The following GALNT13 variants were observed in gnomAD, a reference collection of about 807,000 sequenced individuals.
GALNT13 encodes UDP-GalNAc:polypeptide N-acetylgalactosaminyltransferase 13.
A neutral mutation model predicts 64.2 loss-of-function variants in GALNT13; 28 were observed. That is an observed-to-expected ratio of 0.44 (90% CI 0.32 to 0.60). GALNT13 has a LOEUF of 0.60. GALNT13 is among the 20% of genes least tolerant of loss of function. The pLI is 0.05. For synonymous variants in GALNT13, 214 were observed against 224.6 expected (o/e 0.95, Z 0.42); for missense variants, 577 against 669.8 (o/e 0.86, Z 1.53).
chr2:154,235,856 GA>G (rs1689165647), intron 4 of GALNT13, among the ~76,000 whole-genome samples: 1 of 152,098 alleles, frequency 6.6e-6, no homozygotes, highest in Non-Finnish European at 1.5e-5. Context: ...ATATGGTTTT[GA>G]AAGGATAAAA....
chr2:153,681,634 A>C, the GALNT13 span, among the ~76,000 whole-genome samples: 5 of 151,784 alleles, frequency 3.3e-5, no homozygotes, highest in East Asian at 9.7e-4. Context: ...GTCTTTTGCT[A>C]TCTCTCTTTC....
At chr2:154,366,907 TTAAGGTGA>T (rs1346564114) in intron 9 of GALNT13, among the ~76,000 whole-genome samples, 1 of 152,132 alleles carries the variant, frequency 6.6e-6, no homozygotes, top group Non-Finnish European at 1.5e-5. Context: ...TGTCAAACAT[TTAAGGTGA>T]GCATATAGGG....
At chr2:153,503,083 T>C in the GALNT13 span, among the ~76,000 whole-genome samples, 1 of 152,224 alleles carries the variant, frequency 6.6e-6, no homozygotes, top group Admixed American at 6.5e-5. Context: ...TTTAGTTTAA[T>C]TAACTCTCAT....
the GALNT13 span, among the ~76,000 whole-genome samples, chr2:153,473,990 G>A: frequency 1.3e-5 from 2 of 152,150 alleles, no homozygotes; most frequent in African/African-American, 2.4e-5. Flanking sequence ...GAAATTTAAG[G>A]TGCTGGTGAG....
At chr2:154,118,043 A>T (rs1042213729) in intron 3 of GALNT13, among the ~76,000 whole-genome samples, 2 of 152,090 alleles carry the variant, frequency 1.3e-5, no homozygotes, top group African/African-American at 4.8e-5. Flanking sequence ...TTTGTCTACA[A>T]TGTTTTTTGA....
the GALNT13 span, among the ~76,000 whole-genome samples, chr2:153,280,060 T>C: frequency 6.6e-6 from 1 of 152,172 alleles, no homozygotes; most frequent in Non-Finnish European, 1.5e-5. Context: ...AGTTGGTGTA[T>C]ATAGGATTTG....
In GALNT13 at chr2:154,248,771, C is replaced by T. The variant is rs560409657; in HGVS notation, c.857+2789C>T. ...AAATGGCATGAAAACTTTTCCCAAT[C>T]TCCACAACTCCTTCTAAATTATGTT... On this transcript the variant is annotated intron_variant, in intron 7 of 12. Coordinates refer to ENST00000392825, the MANE Select transcript of GALNT13 (RefSeq NM_052917.4). Among the ~76,000 whole-genome samples, 10 of 152,264 alleles carry T rather than the reference C, an allele frequency of 6.6e-5. No individual in the cohort carries two copies. In the South Asian group the frequency reaches 2.1e-3, roughly 32 times the overall value.
At chr2:153,336,975 T>G in the GALNT13 span, among the ~76,000 whole-genome samples, 1 of 152,284 alleles carries the variant, frequency 6.6e-6, no homozygotes. Flanking sequence ...CACTTTTGTT[T>G]CTTTCTCATT....
chr2:153,543,914 A>C, the GALNT13 span, among the ~76,000 whole-genome samples: 4 of 152,178 alleles, frequency 2.6e-5, no homozygotes, highest in African/African-American at 9.7e-5. Context: ...CGTTCATTAG[A>C]AGTGTAATGA....
upstream of GALNT13, among the ~76,000 whole-genome samples, chr2:153,871,213 T>C (rs1015168352): frequency 1.3e-5 from 2 of 152,174 alleles, no homozygotes; most frequent in Non-Finnish European, 2.9e-5. Flanking sequence ...CCTACTTGCC[T>C]GAGAAAGGAA....
chr2:154,455,128 ATAAC>A (rs1702014877), downstream of GALNT13, among the ~76,000 whole-genome samples: 1 of 152,200 alleles, frequency 6.6e-6, no homozygotes, highest in Non-Finnish European at 1.5e-5. Context: ...AGAGAGAAAA[ATAAC>A]TACACTAAAA....
At chr2:153,264,589 A>G in the GALNT13 span, among the ~76,000 whole-genome samples, 2 of 152,250 alleles carry the variant, frequency 1.3e-5, no homozygotes, top group Non-Finnish European at 2.9e-5. Context: ...CATATGAATC[A>G]TGGAATACTA....
chr2:153,459,456 A>G, the GALNT13 span, among the ~76,000 whole-genome samples: 1 of 152,106 alleles, frequency 6.6e-6, no homozygotes, highest in Non-Finnish European at 1.5e-5. Flanking sequence ...AACAACAACA[A>G]TACAAAAAAA....
At chr2:154,327,210 T>A (rs1383444956) in intron 9 of GALNT13, among the ~76,000 whole-genome samples, 1 of 152,080 alleles carries the variant, frequency 6.6e-6, no homozygotes, top group East Asian at 1.9e-4. Context: ...GCATTTCTCC[T>A]TCCTGTCGCC....
At chr2:154,176,240 A>ATTAT (rs3075864) in intron 4 of GALNT13, among the ~76,000 whole-genome samples, 29,756 of 132,592 alleles carry the variant, frequency 0.22, 3,636 homozygotes, top group Non-Finnish European at 0.25. Context: ...GAACATATAT[A>ATTAT]TTATTTATTT....
chr2:153,307,265 G>A, the GALNT13 span, among the ~76,000 whole-genome samples: 4 of 152,074 alleles, frequency 2.6e-5, no homozygotes, highest in Admixed American at 1.3e-4. Flanking sequence ...TTGTTAAGCC[G>A]ATACATTGCC....
At chr2:153,437,968 T>C in the GALNT13 span, among the ~76,000 whole-genome samples, 55 of 152,372 alleles carry the variant, frequency 3.6e-4, no homozygotes, top group African/African-American at 1.3e-3. Flanking sequence ...TGGTAGCGGT[T>C]GTTCCTTTCC....
the GALNT13 span, among the ~76,000 whole-genome samples, chr2:153,206,372 T>G: frequency 3.9e-5 from 6 of 152,084 alleles, no homozygotes; most frequent in Admixed American, 3.9e-4. Context: ...ATCACATATT[T>G]AAAGTGGGCA....
the GALNT13 span, among the ~76,000 whole-genome samples, chr2:153,077,776 A>G: frequency 6.6e-6 from 1 of 152,220 alleles, no homozygotes; most frequent in Non-Finnish European, 1.5e-5. Flanking sequence ...TTGGGGAGCA[A>G]CAAACTGAAA....
Sources: gnomAD v4.1 joint callset for allele counts (sites outside exome capture counted in the v4.1 genomes callset) on GRCh38, gnomAD v4.1.1 for gene constraint, MANE v1.5 for transcripts, NCBI Gene and HGNC (gene_info 2026-07-23, HGNC 2026-07-21) for gene names.